FTO: variants seen among roughly 807,000 people sequenced by gnomAD.
FTO encodes the protein alpha-ketoglutarate-dependent dioxygenase FTO.
Under a neutral mutation model 63.9 loss-of-function variants are expected in FTO, and 47 were observed. The ratio of observed to expected loss-of-function variants is 0.74; its 90% CI spans 0.58 to 0.94. The LOEUF is 0.94. Among genes scored for constraint, FTO ranks in the 40% least tolerant of loss-of-function variants. The probability of loss-of-function intolerance (pLI) is 0.00; values close to 1 mark genes in which losing one functional copy is unlikely to be tolerated. For synonymous variants in FTO, 207 were observed against 224.4 expected (o/e 0.92, Z 0.69); for missense variants, 562 against 618.1 (o/e 0.91, Z 0.96).
At chr16:53,743,778 G>T (rs1254463636) in intron 1 of FTO, among the ~76,000 whole-genome samples, 2 of 151,510 alleles carry the variant, frequency 1.3e-5, no homozygotes, top group Non-Finnish European at 2.9e-5. Context: ...TAGGAACCCT[G>T]CCTAGTTACC....
At chr16:53,862,226 C>G (rs1029775173) in intron 4 of FTO, among the ~76,000 whole-genome samples, 1 of 151,900 alleles carries the variant, frequency 6.6e-6, no homozygotes, top group African/African-American at 2.4e-5. Flanking sequence ...CCAGCCTGGG[C>G]GATTAGTGAG....
At chr16:54,014,853 T>C (rs2084400486) in intron 8 of FTO, among the ~76,000 whole-genome samples, 3 of 37,512 alleles carry the variant, frequency 8.0e-5, no homozygotes, top group South Asian at 1.9e-3. Context: ...TCTCTCTCTT[T>C]TTTTTTTTTT....
intron 8 of FTO, among the ~76,000 whole-genome samples, chr16:54,086,962 A>G (rs1378597647): frequency 6.6e-6 from 1 of 152,208 alleles, no homozygotes; most frequent in African/African-American, 2.4e-5. Flanking sequence ...CCAGAGAATG[A>G]GATGCCATTG....
chr16:54,021,709 C>T (rs760543855), intron 8 of FTO, among the ~76,000 whole-genome samples: 10 of 152,060 alleles, frequency 6.6e-5, no homozygotes, highest in African/African-American at 1.9e-4. Context: ...AGGCTGGTCT[C>T]GAACTCCTGA....
At chr16:53,709,812 C>T (rs1424383511) in intron 1 of FTO, among the ~76,000 whole-genome samples, 1 of 152,044 alleles carries the variant, frequency 6.6e-6, no homozygotes, top group Non-Finnish European at 1.5e-5. Context: ...CAGAGTAAGT[C>T]GGAGACATCA....
chr16:54,056,761 T>A (rs1044863751), intron 8 of FTO, among the ~76,000 whole-genome samples: 1 of 152,212 alleles, frequency 6.6e-6, no homozygotes, highest in East Asian at 1.9e-4. Context: ...TGCATTCTTA[T>A]GAGAAACCCT....
At chr16:54,029,152 G>A (rs1193374248) in intron 8 of FTO, among the ~76,000 whole-genome samples, 1 of 152,128 alleles carries the variant, frequency 6.6e-6, no homozygotes, top group Non-Finnish European at 1.5e-5. Flanking sequence ...AAAACCATAT[G>A]GGAAAACTCA....
intron 1 of FTO, among the ~76,000 whole-genome samples, chr16:53,717,311 A>G (rs1245599267): frequency 6.6e-6 from 1 of 152,070 alleles, no homozygotes; most frequent in Non-Finnish European, 1.5e-5. Flanking sequence ...TCAGAAAACA[A>G]AAATGTTTGC....
rs556145471 is a variant in FTO, at chr16:54,079,107, T to C, written c.1365-32655T>C. ...AATAATAAATTTTAGAAAACATTAT[T>C]ACTGACTATTATGTGACAGTTATTG... On this transcript the variant is annotated intron_variant, in intron 8 of 8. Transcript: ENST00000471389. Among the ~76,000 whole-genome samples the C allele has an allele frequency of 3.9e-5, 6 of 152,332 alleles. No homozygotes were observed. The East Asian group carries it at 1.2e-3, about 29-fold the overall frequency.
At chr16:53,966,537 A>G (rs989367798) in intron 8 of FTO, among the ~76,000 whole-genome samples, 1 of 152,214 alleles carries the variant, frequency 6.6e-6, no homozygotes, top group Admixed American at 6.5e-5. Context: ...AGTCTACAAC[A>G]TTTTAATTCA....
At chr16:54,073,807 T>C (rs58390429) in intron 8 of FTO, among the ~76,000 whole-genome samples, 15,267 of 152,166 alleles carry the variant, frequency 0.1, 1,428 homozygotes, top group African/African-American at 0.25. Context: ...ATTTTCATTC[T>C]ATAGATTTAA....
chr16:54,070,226 C>T (rs537573573), intron 8 of FTO: 2 of 152,168 alleles, frequency 1.3e-5, no homozygotes, highest in African/African-American at 4.8e-5. Context: ...TCCTTAAGCA[C>T]AAATGAGACT....
At chr16:53,911,877 G>A (rs1440668904) in intron 7 of FTO, among the ~76,000 whole-genome samples, 1 of 152,202 alleles carries the variant, frequency 6.6e-6, no homozygotes, top group Non-Finnish European at 1.5e-5. Context: ...GAACTCTGTG[G>A]CATAAAAACA....
At chr16:53,721,884 G>GA (rs1376147169) in intron 1 of FTO, among the ~76,000 whole-genome samples, 1 of 151,710 alleles carries the variant, frequency 6.6e-6, no homozygotes, top group African/African-American at 2.4e-5. Context: ...ATAATTTTTT[G>GA]AAAAAACAGA....
intron 1 of FTO, among the ~76,000 whole-genome samples, chr16:53,780,051 A>T (rs775470955): frequency 5.3e-5 from 8 of 152,208 alleles, no homozygotes; most frequent in Admixed American, 1.3e-4. Flanking sequence ...TTAAAAATAT[A>T]TATCAAGTGA....
At chr16:54,080,867 G>T (rs1254305808) in intron 8 of FTO, among the ~76,000 whole-genome samples, 2 of 152,148 alleles carry the variant, frequency 1.3e-5, no homozygotes, top group Non-Finnish European at 2.9e-5. Context: ...TGCATTGCTT[G>T]CTTAATAGAC....
chr16:53,832,413 CTTTTTTTATT>C (rs1489958583), intron 3 of FTO, among the ~76,000 whole-genome samples: 1 of 152,046 alleles, frequency 6.6e-6, no homozygotes, highest in Non-Finnish European at 1.5e-5. Context: ...TATCTGTTTT[CTTTTTTTATT>C]GTTTTTTATT....
At chr16:54,084,426 G>T (rs555043454) in intron 8 of FTO, among the ~76,000 whole-genome samples, 1 of 152,284 alleles carries the variant, frequency 6.6e-6, no homozygotes, top group East Asian at 1.9e-4. Context: ...AGCAGTTTGG[G>T]GGAGACAGTC....
intron 8 of FTO, among the ~76,000 whole-genome samples, chr16:54,076,245 G>GT (rs2085990036): frequency 6.6e-6 from 1 of 152,198 alleles, no homozygotes; most frequent in Non-Finnish European, 1.5e-5. Flanking sequence ...TCCTGGTGAT[G>GT]TGTGTTTGTT....
Sources: allele counts gnomAD v4.1 joint callset (sites outside exome capture counted in the v4.1 genomes callset), GRCh38; gene constraint gnomAD v4.1.1; transcripts MANE v1.5; gene names NCBI Gene and HGNC (gene_info 2026-07-23, HGNC 2026-07-21).